Variants in TBC1D8 observed in about 807,000 individuals in gnomAD.
TBC1D8 encodes the protein BUB2-like protein 1.
A neutral mutation model predicts 118.8 loss-of-function variants in TBC1D8; 65 were observed. The observed-to-expected ratio is 0.55, with a 90% CI of 0.45 to 0.67. The LOEUF (loss-of-function observed/expected upper bound fraction) is 0.67. Ranked by LOEUF, TBC1D8 falls within the 30% of genes least tolerant of loss-of-function variation. The probability of loss-of-function intolerance (pLI) is 0.00; values close to 1 mark genes in which losing one functional copy is unlikely to be tolerated. For missense variants in TBC1D8, 1,376 were observed against 1,471.2 expected (o/e 0.94, Z 1.06); for synonymous variants, 566 against 595.8 (o/e 0.95, Z 0.73).
intron 1 of TBC1D8, among the ~76,000 whole-genome samples, chr2:101,139,515 CCTT>C (rs2104275181): frequency 6.6e-6 from 1 of 152,230 alleles, no homozygotes; most frequent in African/African-American, 2.4e-5. Context: ...ACCCCTCCCT[CCTT>C]CTCACATACA....
intron 1 of TBC1D8, among the ~76,000 whole-genome samples, chr2:101,116,225 C>T (rs551575131): frequency 6.6e-6 from 1 of 152,194 alleles, no homozygotes; most frequent in East Asian, 1.9e-4. Flanking sequence ...GCATAATGTC[C>T]ACAAGGGCCC....
intron 1 of TBC1D8, among the ~76,000 whole-genome samples, chr2:101,102,315 G>A (rs537299704): frequency 1.4e-4 from 21 of 152,032 alleles, no homozygotes; most frequent in East Asian, 1.9e-4. Flanking sequence ...TTAGCAAGGC[G>A]TTGTGGCCGG....
At chr2:101,150,355 A>G (rs1679502719) in intron 1 of TBC1D8, among the ~76,000 whole-genome samples, 1 of 152,194 alleles carries the variant, frequency 6.6e-6, no homozygotes, top group Non-Finnish European at 1.5e-5. Context: ...TAGGCCCCCT[A>G]GATACAAATG....
At chr2:101,052,441 T>C (rs1483275934) in intron 4 of TBC1D8, among the ~76,000 whole-genome samples, 1 of 151,696 alleles carries the variant, frequency 6.6e-6, no homozygotes, top group African/African-American at 2.4e-5. Context: ...AAATCAGAAA[T>C]GTCACCACAT....
chr2:101,098,172 T>C (rs1357576958), intron 1 of TBC1D8, among the ~76,000 whole-genome samples: 4 of 151,900 alleles, frequency 2.6e-5, no homozygotes, highest in Non-Finnish European at 4.4e-5. Context: ...GTGGGCGGAG[T>C]ACCTGAGGTC....
intron 1 of TBC1D8, among the ~76,000 whole-genome samples, chr2:101,095,340 T>A (rs915796587): frequency 6.6e-6 from 1 of 150,812 alleles, no homozygotes; most frequent in African/African-American, 2.4e-5. Flanking sequence ...CATGTTGGTG[T>A]GCTGCACCCA....
intron 1 of TBC1D8, among the ~76,000 whole-genome samples, chr2:101,106,819 G>A (rs1015903715): frequency 6.6e-6 from 1 of 152,192 alleles, no homozygotes. Flanking sequence ...TAAACAACCG[G>A]TACTGTGCCC....
intron 1 of TBC1D8, among the ~76,000 whole-genome samples, chr2:101,140,690 C>T (rs1679062408): frequency 6.6e-6 from 1 of 152,140 alleles, no homozygotes; most frequent in Admixed American, 6.6e-5. Context: ...CAAAGGCAAC[C>T]TCTTCCAACT....
chr2:101,075,904 A>C (rs1341399038), intron 2 of TBC1D8, among the ~76,000 whole-genome samples: 1 of 152,216 alleles, frequency 6.6e-6, no homozygotes, highest in Non-Finnish European at 1.5e-5. Context: ...TGTAGTGTTC[A>C]CTGTATAATT....
chr2:101,008,195 T>C lies in TBC1D8; in HGVS notation c.3094A>G (p.Ile1032Val), dbSNP rs1034977327. ...DPEENDLYQA[I>V]ATVTTLLLQI... is the part of the protein sequence containing the mutation. Reference sequence around the variant, plus strand: ...AGCAGCAGTGTGGTGACTGTGGCGATGGCTTGATACAAATCATTTTCTTCT... The same window carrying C: ...AGCAGCAGTGTGGTGACTGTGGCGACGGCTTGATACAAATCATTTTCTTCT... The change falls in exon 20 of 20, where the codon ATC becomes GTC. Residue 1032 changes from isoleucine to valine, a missense_variant. Transcript: ENST00000409318. 6.2e-7 allele frequency: 1 copy of C among 1,612,712 alleles called. No individual in the cohort carries two copies. Among genetic ancestry groups the C allele is most frequent in the African/African-American group, 1.3e-5 (1 of 75,004 alleles).
chr2:101,084,833 T>C (rs1675501135), intron 2 of TBC1D8, among the ~76,000 whole-genome samples: 2 of 148,176 alleles, frequency 1.3e-5, no homozygotes, highest in Non-Finnish European at 3.0e-5. Context: ...AAAGTTGACA[T>C]GAATGGGTAT....
At chr2:101,034,963 T>C (rs965478268) in intron 9 of TBC1D8, among the ~76,000 whole-genome samples, 1 of 151,362 alleles carries the variant, frequency 6.6e-6, no homozygotes, top group Non-Finnish European at 1.5e-5. Context: ...ACACAGTGAG[T>C]GTGCCAGGAA....
intron 1 of TBC1D8, 94 bp downstream of exon 1, chr2:101,151,033 C>T: frequency 5.5e-6 from 5 of 904,270 alleles, no homozygotes; most frequent in Non-Finnish European, 6.6e-6. Context: ...AAGAAATCGC[C>T]TCTGGCGACG....
At chr2:101,057,637 A>T (rs1682514979) in intron 3 of TBC1D8, among the ~76,000 whole-genome samples, 1 of 152,194 alleles carries the variant, frequency 6.6e-6, no homozygotes, top group Non-Finnish European at 1.5e-5. Flanking sequence ...CAGCTTGGGC[A>T]ACATAATGAG....
At chr2:101,108,338 G>A (rs939586182) in intron 1 of TBC1D8, among the ~76,000 whole-genome samples, 1 of 152,182 alleles carries the variant, frequency 6.6e-6, no homozygotes, top group African/African-American at 2.4e-5. Flanking sequence ...AATGTAATGT[G>A]TTGTCCTGAA....
intron 2 of TBC1D8, among the ~76,000 whole-genome samples, chr2:101,087,634 ACT>A (rs1371019446): frequency 9.6e-5 from 13 of 135,952 alleles, no homozygotes; most frequent in African/African-American, 2.4e-4. Flanking sequence ...CAAAAGCAAG[ACT>A]CTGTCTCAAA....
At chr2:101,011,675 C>G (rs912994367) in intron 17 of TBC1D8, 135 bp from the exon 18 acceptor site, 12 of 798,650 alleles carry the variant, frequency 1.5e-5, no homozygotes. Context: ...GCAGGGTCCA[C>G]GAACCCAAAT....
Position 101,075,589 on chromosome 2 carries a change from T to C in TBC1D8, c.283+14620A>G, listed in dbSNP as rs147459701. ...ATGGTGAGTTCTCACAAAATGGTCT[T>C]ATAAGGGGCTCTTTCCTCTTTGCTC... On this transcript the variant is annotated intron_variant, in intron 2 of 19. Transcript: ENST00000409318. Among the ~76,000 whole-genome samples, 259 of 152,234 alleles carry C rather than the reference T, an allele frequency of 1.7e-3. 3 individuals are homozygous for C. The highest frequency in any genetic ancestry group is 4.3e-3 in the East Asian group (22 of 5,176).
chr2:101,011,447 G>A lies in TBC1D8; in HGVS notation c.2917+4C>T, dbSNP rs200654518. The A allele has an allele frequency of 4.3e-5, 69 of 1,613,808 alleles. No homozygotes were observed. The highest frequency in any genetic ancestry group is 4.7e-5 in the Non-Finnish European group (55 of 1,179,754). ...GGAAAGCAACAATGAAAAGAGGTAC[G>A]TGCCATTGGGTTTCCCGAAAACCAG... On this transcript the variant is annotated splice_donor_region_variant and intron_variant, in intron 18 of 19. Coordinates refer to ENST00000409318, the MANE Select transcript of TBC1D8 (RefSeq NM_001330348.2).
Sources: gnomAD v4.1 joint callset for allele counts (sites outside exome capture counted in the v4.1 genomes callset) on GRCh38, gnomAD v4.1.1 for gene constraint, MANE v1.5 for transcripts, NCBI Gene and HGNC (gene_info 2026-07-23, HGNC 2026-07-21) for gene names.